SERPINI1: variants seen among roughly 807,000 people sequenced by gnomAD.
The protein encoded by SERPINI1 is serpin family I member 1.
SERPINI1 carries 19 observed loss-of-function variants against 41.1 expected under a neutral mutation model. The ratio of observed to expected loss-of-function variants is 0.46; its 90% CI spans 0.32 to 0.68. The LOEUF is 0.68. Ranked by LOEUF, SERPINI1 falls within the 30% of genes least tolerant of loss-of-function variation. The pLI, the probability that SERPINI1 is intolerant of heterozygous loss-of-function variation, is 0.03. For synonymous variants in SERPINI1, 138 were observed against 156.6 expected (o/e 0.88, Z 0.89); for missense variants, 460 against 479.2 (o/e 0.96, Z 0.37).
At chr3:167,796,331 G>A (rs1413031276) in intron 5 of SERPINI1, among the ~76,000 whole-genome samples, 2 of 151,134 alleles carry the variant, frequency 1.3e-5, no homozygotes, top group East Asian at 3.9e-4. Context: ...TAAATATATA[G>A]CCATATATTT....
intron 5 of SERPINI1, among the ~76,000 whole-genome samples, chr3:167,797,528 G>A (rs528424447): frequency 6.6e-6 from 1 of 152,082 alleles, no homozygotes; most frequent in African/African-American, 2.4e-5. Flanking sequence ...TGTATAAGGT[G>A]TAAGGAAGGG....
intron 1 of SERPINI1, among the ~76,000 whole-genome samples, chr3:167,743,729 GA>G (rs1488408836): frequency 1.3e-5 from 2 of 152,224 alleles, no homozygotes; most frequent in Non-Finnish European, 2.9e-5. Flanking sequence ...GTTAATAAAA[GA>G]AGGCATTGGA....
At chr3:167,783,020 G>A (rs1163549354) in intron 1 of SERPINI1, among the ~76,000 whole-genome samples, 1 of 152,192 alleles carries the variant, frequency 6.6e-6, no homozygotes. Context: ...TTGGTCTACA[G>A]GGATGAGAGA....
chr3:167,824,386 G>A (rs545317406), intron 7 of SERPINI1, 87 bp from the exon 8 acceptor site: 3 of 951,750 alleles, frequency 3.2e-6, no homozygotes, highest in Non-Finnish European at 5.1e-6. Context: ...CTTTGCATTA[G>A]GTGGATAGGC....
chr3:167,812,581 T>C (rs34189973), intron 6 of SERPINI1, among the ~76,000 whole-genome samples: 3 of 152,224 alleles, frequency 2.0e-5, no homozygotes, highest in Non-Finnish European at 4.4e-5. Context: ...CATATTATTG[T>C]TATTTATGTG....
chr3:167,804,776 G>C (rs947294401), intron 5 of SERPINI1, among the ~76,000 whole-genome samples: 9 of 152,102 alleles, frequency 5.9e-5, no homozygotes, highest in Non-Finnish European at 1.2e-4. Context: ...CTGGGGGTTC[G>C]AGGCTGCAGT....
intron 1 of SERPINI1, among the ~76,000 whole-genome samples, chr3:167,763,715 G>A (rs974303630): frequency 6.6e-6 from 1 of 152,096 alleles, no homozygotes; most frequent in African/African-American, 2.4e-5. Flanking sequence ...GGCAACTGAG[G>A]TCAATATGTA....
At chr3:167,751,182 T>G (rs1246255772) in intron 1 of SERPINI1, among the ~76,000 whole-genome samples, 2 of 152,136 alleles carry the variant, frequency 1.3e-5, no homozygotes, top group Non-Finnish European at 2.9e-5. Context: ...AAAAAAGATT[T>G]TCTTTAGGTA....
chr3:167,761,492 T>G (rs1726379329), intron 1 of SERPINI1, among the ~76,000 whole-genome samples: 1 of 152,178 alleles, frequency 6.6e-6, no homozygotes, highest in South Asian at 2.1e-4. Flanking sequence ...TTATCTGACT[T>G]GTGTAGGCTC....
intron 6 of SERPINI1, among the ~76,000 whole-genome samples, chr3:167,813,863 G>A (rs1454488349): frequency 2.0e-5 from 3 of 152,110 alleles, no homozygotes; most frequent in Admixed American, 6.5e-5. Flanking sequence ...CAAGCATGGG[G>A]ACTTCTCTCA....
chr3:167,759,176 T>A (rs1301641983), intron 1 of SERPINI1, among the ~76,000 whole-genome samples: 1 of 152,110 alleles, frequency 6.6e-6, no homozygotes, highest in Non-Finnish European at 1.5e-5. Context: ...AGGCATATTG[T>A]TCCCATTTTA....
chr3:167,736,710 C>A (rs1278971139), intron 1 of SERPINI1, among the ~76,000 whole-genome samples: 1 of 151,986 alleles, frequency 6.6e-6, no homozygotes, highest in Non-Finnish European at 1.5e-5. Context: ...AGTTTATTCT[C>A]GGTATTAAAC....
At chr3:167,819,638 A>G (rs1712242313) in intron 6 of SERPINI1, among the ~76,000 whole-genome samples, 1 of 152,214 alleles carries the variant, frequency 6.6e-6, no homozygotes, top group South Asian at 2.1e-4. Flanking sequence ...GGCTTATTCA[A>G]AGTAATCAGG....
chr3:167,771,891 G>T (rs1356417882), intron 1 of SERPINI1, among the ~76,000 whole-genome samples: 1 of 152,152 alleles, frequency 6.6e-6, no homozygotes, highest in South Asian at 2.1e-4. Context: ...TAGCAGAGTC[G>T]GTCTTTTACA....
intron 5 of SERPINI1, among the ~76,000 whole-genome samples, chr3:167,804,067 G>T (rs75589590): frequency 0.065 from 9,874 of 152,180 alleles, 1,102 homozygotes; most frequent in African/African-American, 0.23. Context: ...GAGACATTCT[G>T]TATTTTCTTA....
intron 5 of SERPINI1, among the ~76,000 whole-genome samples, chr3:167,799,373 C>T (rs1264791564): frequency 6.6e-6 from 1 of 152,156 alleles, no homozygotes; most frequent in Non-Finnish European, 1.5e-5. Context: ...GACATGAACT[C>T]ATTCTTTTTT....
intron 5 of SERPINI1, among the ~76,000 whole-genome samples, chr3:167,803,019 T>C (rs936095218): frequency 1.3e-5 from 2 of 151,520 alleles, no homozygotes; most frequent in African/African-American, 4.9e-5. Flanking sequence ...CAGTAAACTA[T>C]CGCAAGATGA....
intron 4 of SERPINI1, 29 bp downstream of exon 4, chr3:167,792,813 CTT>C (rs769165272): frequency 1.3e-6 from 2 of 1,538,004 alleles, no homozygotes; most frequent in East Asian, 4.5e-5. Flanking sequence ...TTATTTCTCT[CTT>C]CTTGCAGAAT....
Position 167,821,453 on chromosome 3 carries a change from C to A in SERPINI1, c.980-1533C>A, listed in dbSNP as rs115172723. Among the ~76,000 whole-genome samples the A allele has an allele frequency of 3.9e-3, 599 of 152,304 alleles. 6 individuals carry two copies. The highest frequency in any genetic ancestry group is 0.014 in the African/African-American group (585 of 41,570). On this transcript the variant is annotated intron_variant, in intron 6 of 8. Coordinates refer to ENST00000446050, the MANE Select transcript of SERPINI1 (RefSeq NM_001122752.2). ...TGTGGTACTTCTGGTCCAGCTGCAG[C>A]CTAGCAGTGAGCCAGCATCCATGCC...
Sources: gnomAD v4.1 joint callset for allele counts (sites outside exome capture counted in the v4.1 genomes callset) on GRCh38, gnomAD v4.1.1 for gene constraint, MANE v1.5 for transcripts, NCBI Gene and HGNC (gene_info 2026-07-23, HGNC 2026-07-21) for gene names.